Variants in NECTIN2 observed in about 807,000 individuals in gnomAD.
NECTIN2 encodes nectin cell adhesion molecule 2.
Under a neutral mutation model 56.9 loss-of-function variants are expected in NECTIN2, and 23 were observed. The ratio of observed to expected loss-of-function variants is 0.40; its 90% confidence interval spans 0.29 to 0.57. The LOEUF (loss-of-function observed/expected upper bound fraction) is 0.57. Among genes scored for constraint, NECTIN2 ranks in the 20% least tolerant of loss-of-function variants. The pLI is 0.38. For missense variants in NECTIN2, 587 were observed against 718.3 expected (o/e 0.82, Z 2.09); for synonymous variants, 302 against 313.8 (o/e 0.96, Z 0.40).
intron 2 of NECTIN2, among the ~76,000 whole-genome samples, 161 bp from the exon 3 acceptor site, chr19:44,871,692 C>T (rs1969175638): frequency 6.6e-6 from 1 of 152,178 alleles, no homozygotes; most frequent in Admixed American, 6.5e-5. Flanking sequence ...GAAACAGCTA[C>T]AGAGTTGCAA....
At position 44,875,596 on chromosome 19, in the gene NECTIN2, G is replaced by A. The variant is rs1361957198; in HGVS notation, c.1042+1118G>A. Among the ~76,000 whole-genome samples, 1 of 152,194 alleles carries A rather than the reference G, an allele frequency of 6.6e-6. No individual in the cohort carries two copies. The highest frequency in any genetic ancestry group is 1.9e-4 in the East Asian group (1 of 5,192). On this transcript the variant is annotated intron_variant, in intron 5 of 8. Coordinates refer to ENST00000252483, the MANE Select transcript of NECTIN2 (RefSeq NM_001042724.2). The surrounding 1 kb of genome is among the most constrained non-coding windows in gnomAD (Gnocchi z 4.2). ...AAGACATTCTTAGAAACACGCCAGG[G>A]CGACGGTCCATGCAGCACACCTGTG...
At chr19:44,864,734 A>G (rs936445201) in intron 1 of NECTIN2, among the ~76,000 whole-genome samples, 2 of 152,106 alleles carry the variant, frequency 1.3e-5, no homozygotes, top group African/African-American at 4.8e-5. Flanking sequence ...AGGCTGAGGC[A>G]GGAGAATGGC....
At chr19:44,847,142 TC>T (rs1968845592) in intron 1 of NECTIN2, among the ~76,000 whole-genome samples, 1 of 152,118 alleles carries the variant, frequency 6.6e-6, no homozygotes, top group Non-Finnish European at 1.5e-5. Flanking sequence ...CGGACCTGAT[TC>T]GGGTCCCTTG....
chr19:44,887,246 G>T (rs554503033), intron 8 of NECTIN2, among the ~76,000 whole-genome samples: 16 of 152,262 alleles, frequency 1.1e-4, no homozygotes, highest in African/African-American at 1.4e-4. Flanking sequence ...CTATTCAGGA[G>T]GCTGAAGCAG....
At position 44,872,027 on chromosome 19, in the gene NECTIN2, C is replaced by T. The variant is rs143273446; in HGVS notation, c.653C>T (p.Thr218Ile). Residue 218 changes from threonine to isoleucine, a missense_variant, in exon 3 of 9, where the codon ACT becomes ATT. Physicochemically the swap from Thr to Ile is moderately conservative, Grantham distance 89. Transcript: ENST00000252483. ...TCAGGGACCCTGGCCGGAACTGTCA[C>T]TGTCACCAGCCGCTTCACCTTGGTG... Reference protein sequence around the residue: ...QVSGTLAGTVTVTSRFTLVPS... With the variant: ...QVSGTLAGTVIVTSRFTLVPS... 6.2e-6 allele frequency: 10 copies of T among 1,614,088 alleles called. No individual in the cohort carries two copies. Among genetic ancestry groups the T allele is most frequent in the African/African-American group, 1.3e-5 (1 of 74,944 alleles).
intron 1 of NECTIN2, among the ~76,000 whole-genome samples, chr19:44,861,936 C>T (rs1261979230): frequency 1.3e-5 from 2 of 152,130 alleles, no homozygotes; most frequent in Non-Finnish European, 2.9e-5. Context: ...GACAGTATGG[C>T]GATTCCTCAA....
chr19:44,861,509 A>T (rs910251618), intron 1 of NECTIN2, among the ~76,000 whole-genome samples: 1 of 152,242 alleles, frequency 6.6e-6, no homozygotes. Context: ...GACAAATGGG[A>T]TCTAATTAAA....
At chr19:44,879,408 TG>T (rs1364558507) in intron 5 of NECTIN2, among the ~76,000 whole-genome samples, 1 of 151,770 alleles carries the variant, frequency 6.6e-6, no homozygotes, top group Non-Finnish European at 1.5e-5. Flanking sequence ...CCCAGGTTGC[TG>T]GGGGTCTCGG....
At position 44,886,149 on chromosome 19, in the gene NECTIN2, C is replaced by T. The variant is rs1969358646; in HGVS notation, c.1277C>T (p.Thr426Ile). The T allele has an allele frequency of 1.2e-6, 2 of 1,612,960 alleles. No individual in the cohort carries two copies. The highest frequency in any genetic ancestry group is 3.3e-5 in the Admixed American group (2 of 59,990). The change falls in exon 8 of 9, where the codon ACT becomes ATT. Residue 426 changes from threonine to isoleucine, a missense_variant. Thr to Ile is a moderately conservative substitution (Grantham distance 89). Transcript: ENST00000252483. ...EAQEMPSQLFTLGASEHSPLK... is the reference protein window; with the variant it reads ...EAQEMPSQLFILGASEHSPLK... ...CCACTACAGCCCTCCCAGCTCTTCA[C>T]TCTGGGGGCCTCGGAGCACAGCCCA...
intron 1 of NECTIN2, among the ~76,000 whole-genome samples, chr19:44,847,522 C>A (rs115078382): frequency 6.6e-6 from 1 of 152,096 alleles, no homozygotes; most frequent in African/African-American, 2.4e-5. Flanking sequence ...CAGCGGGCCC[C>A]GTCTCTTGGG....
At chr19:44,878,264 TG>T in intron 5 of NECTIN2, 1 of 979,612 alleles carries the variant, frequency 1.0e-6, no homozygotes, top group Non-Finnish European at 1.6e-6. Flanking sequence ...CCCGCTGGTG[TG>T]GGGGGCCGTG....
At chr19:44,852,075 C>G (rs1315994330) in intron 1 of NECTIN2, among the ~76,000 whole-genome samples, 2 of 143,716 alleles carry the variant, frequency 1.4e-5, no homozygotes, top group East Asian at 2.1e-4. Context: ...GGCGCCTCCC[C>G]CCGAGACCCC....
chr19:44,859,463 A>G (rs1969007061), intron 1 of NECTIN2, among the ~76,000 whole-genome samples: 1 of 152,190 alleles, frequency 6.6e-6, no homozygotes. Flanking sequence ...TGGGCCACTC[A>G]GTCGCCATGC....
At chr19:44,886,668 G>C (rs1226447271) in intron 8 of NECTIN2, among the ~76,000 whole-genome samples, 1 of 152,142 alleles carries the variant, frequency 6.6e-6, no homozygotes, top group East Asian at 1.9e-4. Context: ...GTTACAGTGA[G>C]CTAAGATCAC....
rs531493569 is a variant in NECTIN2, at chr19:44,875,778, C to T, written c.1042+1300C>T. Reference sequence around the variant, plus strand: ...TAATCTTAGAATGCACACACACTTGCAGGGACACCCGAGGGAAAACAGACA... The same window carrying T: ...TAATCTTAGAATGCACACACACTTGTAGGGACACCCGAGGGAAAACAGACA... On this transcript the variant is annotated intron_variant, in intron 5 of 8. Transcript: ENST00000252483. This position sits in a 1 kb window ranked among gnomAD's most constrained non-coding sequence, Gnocchi z 4.2. Among the ~76,000 whole-genome samples, 1 of 152,304 alleles carries T rather than the reference C, an allele frequency of 6.6e-6. No homozygotes were observed. The highest frequency in any genetic ancestry group is 6.5e-5 in the Admixed American group (1 of 15,304).
At chr19:44,871,779 C>A in intron 2 of NECTIN2, 74 bp from the exon 3 acceptor site, 2 of 1,508,256 alleles carry the variant, frequency 1.3e-6, no homozygotes, top group Non-Finnish European at 1.8e-6. Flanking sequence ...GCCTAACCAC[C>A]CTGCTCCTCT....
At position 44,846,571 on chromosome 19, in the gene NECTIN2, C is replaced by A; in HGVS notation, c.46C>A (p.Pro16Thr). The change falls in exon 1 of 9, where the codon CCG becomes ACG. Residue 16 changes from proline (P) to threonine (T), a missense_variant. Physicochemically the swap from Pro to Thr is conservative, Grantham distance 38. Coordinates refer to ENST00000252483, the MANE Select transcript of NECTIN2 (RefSeq NM_001042724.2). ...CCTGCCGTCGAGATCGCCGCCGACG[C>A]CGCTGCTGTGGCCGCTGCTGCTGCT... Reference protein sequence around the residue: ...ALLPSRSPPTPLLWPLLLLLL... With the variant: ...ALLPSRSPPTTLLWPLLLLLL... The A allele has an allele frequency of 6.6e-7, 1 of 1,525,240 alleles. No individual in the cohort carries two copies. The highest frequency in any genetic ancestry group is 1.4e-5 in the African/African-American group (1 of 71,328). The allele number at this position is 1,525,240 out of a possible 1,614,324, so 94.5% of individuals were successfully genotyped here.
chr19:44,865,411 G>A lies in NECTIN2; in HGVS notation c.229G>A (p.Ala77Thr). The part of the protein sequence containing the change: ...LVTWQRPDAP[A>T]NHQNVAAFHP... ...GACCTGGCAGCGCCCAGATGCACCT[G>A]CGAACCACCAGAATGTGGCCGCCTT... is the stretch of plus-strand genomic sequence containing the variant. Residue 77 changes from alanine to threonine, a missense_variant, in exon 2 of 9, where the codon GCG becomes ACG. By Grantham distance (58) the Ala-to-Thr change is moderately conservative (BLOSUM62 0). Transcript: ENST00000252483. The surrounding 1 kb of genome is among the most constrained non-coding windows in gnomAD (Gnocchi z 5.2). The A allele has an allele frequency of 6.2e-7, 1 of 1,614,186 alleles. No homozygotes were observed. The highest frequency in any genetic ancestry group is 8.5e-7 in the Non-Finnish European group (1 of 1,180,040).
intron 1 of NECTIN2, among the ~76,000 whole-genome samples, chr19:44,858,181 C>G (rs1968989977): frequency 6.6e-6 from 1 of 151,940 alleles, no homozygotes; most frequent in Non-Finnish European, 1.5e-5. Flanking sequence ...TGGGGGTGGC[C>G]CCTCTGGACT....
Sources: gnomAD v4.1 joint callset for allele counts (sites outside exome capture counted in the v4.1 genomes callset) on GRCh38, gnomAD v4.1.1 for gene constraint, Gnocchi (gnomAD v3.1) non-coding constraint, MANE v1.5 for transcripts, NCBI Gene and HGNC (gene_info 2026-07-23, HGNC 2026-07-21) for gene names.